ST6GAL1: variants seen among roughly 807,000 people sequenced by gnomAD.
ST6GAL1 encodes ST6 beta-galactoside alpha-2,6-sialyltransferase 1, also known as beta-galactoside alpha-2,6-sialyltransferase 1.
Under a neutral mutation model 38.0 loss-of-function variants are expected in ST6GAL1, and 20 were observed. That is an observed-to-expected ratio of 0.53 (90% CI 0.37 to 0.77). The LOEUF (loss-of-function observed/expected upper bound fraction) is 0.77. Among genes scored for constraint, ST6GAL1 ranks in the 30% least tolerant of loss-of-function variants. The pLI, the probability that ST6GAL1 is intolerant of heterozygous loss-of-function variation, is 0.00. For missense variants in ST6GAL1, 432 were observed against 496.4 expected, an observed-to-expected ratio of 0.87 and a Z score of 1.23; for synonymous variants, 196 against 188.2, an observed-to-expected ratio of 1.04 and a Z score of -0.34.
intron 5 of ST6GAL1, among the ~76,000 whole-genome samples, chr3:187,052,357 T>C (rs185623233): frequency 9.7e-4 from 147 of 152,298 alleles, no homozygotes; most frequent in African/African-American, 3.4e-3. Flanking sequence ...TGCAGATTTG[T>C]TACATAGATA....
At chr3:187,058,632 T>TTTA (rs140207844) in intron 5 of ST6GAL1, among the ~76,000 whole-genome samples, 107 of 149,858 alleles carry the variant, frequency 7.1e-4, no homozygotes, top group South Asian at 1.9e-3. Context: ...TGGTATTACT[T>TTTA]TTATTATTAT....
intron 2 of ST6GAL1, among the ~76,000 whole-genome samples, chr3:186,984,582 T>G (rs13088725): frequency 6.6e-6 from 1 of 151,900 alleles, no homozygotes; most frequent in East Asian, 1.9e-4. Flanking sequence ...TCCCCAGATA[T>G]TGTGGGACTC....
chr3:186,993,705 T>C (rs1716263198), intron 2 of ST6GAL1, among the ~76,000 whole-genome samples: 1 of 152,244 alleles, frequency 6.6e-6, no homozygotes, highest in East Asian at 1.9e-4. Flanking sequence ...AGGGTGGGCC[T>C]GGGAAACTAG....
intron 2 of ST6GAL1, among the ~76,000 whole-genome samples, chr3:186,974,732 G>GT (rs1251080499): frequency 6.6e-6 from 1 of 151,384 alleles, no homozygotes; most frequent in Non-Finnish European, 1.5e-5. Flanking sequence ...TGGTTGGGGG[G>GT]GGGGCGCCCA....
intron 5 of ST6GAL1, among the ~76,000 whole-genome samples, chr3:187,060,691 G>A (rs972033258): frequency 2.6e-5 from 4 of 152,176 alleles, no homozygotes; most frequent in East Asian, 1.9e-4. Context: ...TTTTAATGTC[G>A]CATTAGATGT....
intron 2 of ST6GAL1, among the ~76,000 whole-genome samples, chr3:186,968,060 G>A (rs962368350): frequency 7.2e-5 from 11 of 152,298 alleles, no homozygotes; most frequent in Admixed American, 2.6e-4. Context: ...AGCCTTCTTT[G>A]AGGTCTTGCT....
intron 2 of ST6GAL1, among the ~76,000 whole-genome samples, chr3:187,023,740 G>T (rs982236783): frequency 2.0e-5 from 3 of 152,004 alleles, no homozygotes; most frequent in Non-Finnish European, 4.4e-5. Flanking sequence ...GTTGTGGGGT[G>T]GGGGGAACGG....
rs914023363 is a variant in ST6GAL1 at position 187,008,158 on chromosome 3, C to T, written c.-182-30584C>T. 2.4e-4 allele frequency among the ~76,000 whole-genome samples: 37 copies of T among 151,960 alleles called. 1 individual carries two copies. Among genetic ancestry groups the T allele is most frequent in the Admixed American group, 2.4e-3 (36 of 15,264 alleles). ...AAATAGTTTCAAATTTAAAGAAAAACGTATCTTCACAAATTGAAGAATCTC... is the reference window on the plus strand; with the variant it reads ...AAATAGTTTCAAATTTAAAGAAAAATGTATCTTCACAAATTGAAGAATCTC... On this transcript the variant is annotated intron_variant, in intron 2 of 7. Coordinates refer to ENST00000169298, the MANE Select transcript of ST6GAL1 (RefSeq NM_173216.2).
At chr3:187,071,449 C>T (rs1025187766) in intron 5 of ST6GAL1, among the ~76,000 whole-genome samples, 4 of 152,008 alleles carry the variant, frequency 2.6e-5, no homozygotes, top group South Asian at 2.1e-4. Flanking sequence ...CCCATTTCAC[C>T]GATCAGAAAA....
chr3:186,967,912 G>A (rs1240405106), intron 2 of ST6GAL1, among the ~76,000 whole-genome samples: 2 of 152,224 alleles, frequency 1.3e-5, no homozygotes, highest in Non-Finnish European at 2.9e-5. Context: ...CCCACTTCCT[G>A]CCTTAGCCCA....
intron 1 of ST6GAL1, among the ~76,000 whole-genome samples, chr3:186,950,454 T>C (rs2108520390): frequency 6.6e-6 from 1 of 152,250 alleles, no homozygotes; most frequent in African/African-American, 2.4e-5. Context: ...TCTCCATAGG[T>C]ATCTGGGCTC....
At chr3:187,044,837 T>C (rs1718242465) in intron 4 of ST6GAL1, among the ~76,000 whole-genome samples, 1 of 152,224 alleles carries the variant, frequency 6.6e-6, no homozygotes, top group South Asian at 2.1e-4. Context: ...TTTCTATAGA[T>C]TGCAGTTTCA....
At chr3:186,947,790 A>C (rs56132818) in intron 1 of ST6GAL1, among the ~76,000 whole-genome samples, 5,138 of 152,300 alleles carry the variant, frequency 0.034, 128 homozygotes, top group East Asian at 0.07. Context: ...TTCAAATTAG[A>C]TCATAGACGT....
At chr3:187,065,931 T>C (rs1719096306) in intron 5 of ST6GAL1, among the ~76,000 whole-genome samples, 1 of 152,340 alleles carries the variant, frequency 6.6e-6, no homozygotes, top group African/African-American at 2.4e-5. Context: ...GAGTTTAAGT[T>C]GCTCACAGGA....
intron 2 of ST6GAL1, 28 bp from the exon 3 acceptor site, chr3:187,038,710 CTCTT>C (rs1368998689): frequency 1.3e-5 from 2 of 152,262 alleles, no homozygotes; most frequent in Non-Finnish European, 1.5e-5. Context: ...CTCACCTCCT[CTCTT>C]TCTGTCTCTT....
At chr3:186,974,734 G>GT (rs201722917) in intron 2 of ST6GAL1, among the ~76,000 whole-genome samples, 2 of 150,494 alleles carry the variant, frequency 1.3e-5, no homozygotes, top group Non-Finnish European at 1.5e-5. Flanking sequence ...GTTGGGGGGG[G>GT]GGCGCCCACA....
Position 187,020,021 on chromosome 3 carries a change from G to A in ST6GAL1, c.-182-18721G>A, listed in dbSNP as rs550193241. ...GTTGGTTAGAATAATCTGGTCAGCC[G>A]GGCATGGTGGCTTATGCCTGTAATC... On this transcript the variant is annotated intron_variant, in intron 2 of 7. Transcript: ENST00000169298. Among the ~76,000 whole-genome samples, 5 of 152,292 alleles carry A rather than the reference G, an allele frequency of 3.3e-5. No homozygotes were observed. In the South Asian group the frequency reaches 1.0e-3, roughly 32 times the overall value.
intron 2 of ST6GAL1, among the ~76,000 whole-genome samples, chr3:187,033,949 C>A (rs1048815415): frequency 6.6e-6 from 1 of 151,958 alleles, no homozygotes; most frequent in East Asian, 1.9e-4. Flanking sequence ...AAAATCCATA[C>A]AAAGAATCAA....
Position 187,065,100 on chromosome 3 carries a change from G to A in ST6GAL1, c.706-7749G>A, listed in dbSNP as rs1719056327. ...TCCCTGCTCTGCCTCCTGGGTTCAA[G>A]TGATTCCCCTGCCTCGGTCTCCCAA... On this transcript the variant is annotated intron_variant, in intron 5 of 7. Coordinates refer to ENST00000169298, the MANE Select transcript of ST6GAL1 (RefSeq NM_173216.2). Among the ~76,000 whole-genome samples, 5 of 151,698 alleles carry A rather than the reference G, an allele frequency of 3.3e-5. No homozygotes were observed. In the South Asian group the frequency reaches 1.0e-3, roughly 31 times the overall value.
Sources: gnomAD v4.1 joint callset for allele counts (sites outside exome capture counted in the v4.1 genomes callset) on GRCh38, gnomAD v4.1.1 for gene constraint, MANE v1.5 for transcripts, NCBI Gene and HGNC (gene_info 2026-07-23, HGNC 2026-07-21) for gene names.